The following ATP9B variants were observed in gnomAD, a reference collection of about 807,000 sequenced individuals.
ATP9B encodes probable phospholipid-transporting ATPase IIB.
ATP9B carries 110 observed loss-of-function variants against 146.1 expected under a neutral mutation model. That is an observed-to-expected ratio of 0.75 (90% confidence interval 0.65 to 0.88). The LOEUF is 0.88. Among genes scored for constraint, ATP9B ranks in the 40% least tolerant of loss-of-function variants. The pLI, the probability that ATP9B is intolerant of heterozygous loss-of-function variation, is 0.00. For synonymous variants in ATP9B, 604 were observed against 569.7 expected (o/e 1.06, Z -0.86); for missense variants, 1,499 against 1,496.4 (o/e 1.00, Z -0.03).
chr18:79,243,292 T>C (rs1370899410), intron 11 of ATP9B, among the ~76,000 whole-genome samples: 1 of 152,232 alleles, frequency 6.6e-6, no homozygotes, highest in Non-Finnish European at 1.5e-5. Context: ...GTTTTTAATA[T>C]AATTATAAAT....
chr18:79,092,574 TTTC>T (rs1168400212), intron 1 of ATP9B, among the ~76,000 whole-genome samples: 1 of 151,954 alleles, frequency 6.6e-6, no homozygotes, highest in Non-Finnish European at 1.5e-5. Flanking sequence ...ACAAAAATAT[TTTC>T]TTTTTTTATA....
At chr18:79,212,475 G>A (rs530173818) in intron 10 of ATP9B, among the ~76,000 whole-genome samples, 4 of 152,280 alleles carry the variant, frequency 2.6e-5, no homozygotes, top group South Asian at 4.1e-4. Context: ...TTCTTGCAAA[G>A]CCTTTTCTGA....
At chr18:79,122,609 TTAAGA>T (rs1301073380) in intron 4 of ATP9B, among the ~76,000 whole-genome samples, 3 of 152,332 alleles carry the variant, frequency 2.0e-5, no homozygotes, top group South Asian at 2.1e-4. Flanking sequence ...AATTTTTCCT[TTAAGA>T]TAAGTTTCTA....
chr18:79,213,081 A>T (rs1323059822), intron 10 of ATP9B, among the ~76,000 whole-genome samples: 1 of 152,172 alleles, frequency 6.6e-6, no homozygotes, highest in Non-Finnish European at 1.5e-5. Flanking sequence ...TCTGCATTTT[A>T]CATGTTAAGT....
intron 26 of ATP9B, chr18:79,363,465 G>C (rs77717644): frequency 1.5e-5 from 2 of 133,648 alleles, no homozygotes; most frequent in Non-Finnish European, 3.3e-5. Context: ...TTCCTGGATT[G>C]AGAGACGTAA....
At chr18:79,330,183 A>G (rs924260024) in intron 17 of ATP9B, 79 bp downstream of exon 17, 1 of 1,339,340 alleles carries the variant, frequency 7.5e-7, no homozygotes, top group Non-Finnish European at 1.1e-6. Flanking sequence ...CCTGGTTCAC[A>G]GTGTTTCTAT....
chr18:79,329,607 A>G (rs2096779379), intron 16 of ATP9B, among the ~76,000 whole-genome samples: 1 of 152,218 alleles, frequency 6.6e-6, no homozygotes, highest in East Asian at 1.9e-4. Context: ...AACATGCCAA[A>G]GAGTTTGACT....
chr18:79,318,173 G>C (rs899825013), intron 15 of ATP9B, among the ~76,000 whole-genome samples: 1 of 152,256 alleles, frequency 6.6e-6, no homozygotes. Context: ...TGAACCCGCA[G>C]GTTGGGGAGC....
chr18:79,244,349 C>T (rs774392635), intron 11 of ATP9B, among the ~76,000 whole-genome samples: 1 of 152,134 alleles, frequency 6.6e-6, no homozygotes, highest in Non-Finnish European at 1.5e-5. Context: ...CTTTTCCCAC[C>T]ATCTATGGCC....
At chr18:79,138,723 T>C (rs1403416810) in intron 5 of ATP9B, among the ~76,000 whole-genome samples, 1 of 152,054 alleles carries the variant, frequency 6.6e-6, no homozygotes, top group Non-Finnish European at 1.5e-5. Flanking sequence ...GATGTAATGA[T>C]TAATTACTAG....
intron 11 of ATP9B, among the ~76,000 whole-genome samples, chr18:79,250,044 G>C (rs982825079): frequency 6.6e-6 from 1 of 152,132 alleles, no homozygotes; most frequent in Non-Finnish European, 1.5e-5. Flanking sequence ...ACATATACTT[G>C]GCTTCAAAGT....
intron 3 of ATP9B, among the ~76,000 whole-genome samples, chr18:79,112,919 C>T (rs1289035710): frequency 6.6e-6 from 1 of 151,916 alleles, no homozygotes; most frequent in Non-Finnish European, 1.5e-5. Flanking sequence ...CATGTAAAGA[C>T]TTACTAAATG....
intron 1 of ATP9B, 122 bp downstream of exon 1, chr18:79,069,651 G>C: frequency 1.7e-6 from 1 of 580,618 alleles, no homozygotes; most frequent in Non-Finnish European, 2.6e-6. Flanking sequence ...TGTTCGCTGG[G>C]AGCCGGGAGT....
At chr18:79,270,470 A>G (rs2096244038) in intron 12 of ATP9B, among the ~76,000 whole-genome samples, 1 of 152,234 alleles carries the variant, frequency 6.6e-6, no homozygotes, top group Non-Finnish European at 1.5e-5. Context: ...CTTGATTTCA[A>G]ATATCAAAGT....
At chr18:79,343,807 T>C in intron 20 of ATP9B, 1 of 232,156 alleles carries the variant, frequency 4.3e-6, no homozygotes, top group South Asian at 5.7e-5. Context: ...GCAGCGCTGC[T>C]CCCCACGCCA....
At chr18:79,209,421 T>C (rs1478567233) in intron 10 of ATP9B, 1 of 152,264 alleles carries the variant, frequency 6.6e-6, no homozygotes, top group Non-Finnish European at 1.5e-5. Context: ...ATATTAAATG[T>C]TGTTACTGAT....
At chr18:79,304,282 C>A (rs1239431877) in intron 14 of ATP9B, among the ~76,000 whole-genome samples, 3 of 152,080 alleles carry the variant, frequency 2.0e-5, no homozygotes, top group African/African-American at 7.2e-5. Flanking sequence ...TTATGTGCCC[C>A]TAATTGATAA....
At chr18:79,360,709 CATT>C (rs1183035537) in intron 26 of ATP9B, 1 of 152,142 alleles carries the variant, frequency 6.6e-6, no homozygotes, top group African/African-American at 2.4e-5. Flanking sequence ...AAAGAATTCT[CATT>C]AGTGTTATAA....
At chr18:79,263,195 C>T (rs1165152609) in intron 12 of ATP9B, among the ~76,000 whole-genome samples, 1 of 152,114 alleles carries the variant, frequency 6.6e-6, no homozygotes, top group Non-Finnish European at 1.5e-5. Flanking sequence ...GGTTTGCCAC[C>T]TAAAAATTGC....
Sources: allele counts gnomAD v4.1 joint callset (sites outside exome capture counted in the v4.1 genomes callset), GRCh38; gene constraint gnomAD v4.1.1; transcripts MANE v1.5; gene names NCBI Gene and HGNC (gene_info 2026-07-23, HGNC 2026-07-21).